The following SV2C variants were observed in gnomAD, a reference collection of about 807,000 sequenced individuals.
The protein encoded by SV2C is solute carrier family 22 member B3.
Under a neutral mutation model 79.7 loss-of-function variants are expected in SV2C, and 49 were observed. The ratio of observed to expected loss-of-function variants is 0.61; its 90% CI spans 0.49 to 0.78. The LOEUF (loss-of-function observed/expected upper bound fraction) is 0.78. Ranked by LOEUF, SV2C falls within the 30% of genes least tolerant of loss-of-function variation. SV2C has a pLI of 0.00. For missense variants in SV2C, 833 were observed against 912.9 expected, an observed-to-expected ratio of 0.91 and a Z score of 1.13; for synonymous variants, 334 against 333.2, an observed-to-expected ratio of 1.00 and a Z score of -0.03.
At chr5:76,305,400 T>G (rs531419735) in intron 12 of SV2C, among the ~76,000 whole-genome samples, 28 of 152,320 alleles carry the variant, frequency 1.8e-4, no homozygotes, top group Non-Finnish European at 2.9e-4. Context: ...AGGAATCATT[T>G]TGTATTCCTC....
intron 4 of SV2C, among the ~76,000 whole-genome samples, chr5:76,239,021 A>G (rs1745700637): frequency 6.6e-6 from 1 of 152,076 alleles, no homozygotes; most frequent in Admixed American, 6.6e-5. Flanking sequence ...TCTCACTCCT[A>G]TCCTCCTAAG....
intron 4 of SV2C, among the ~76,000 whole-genome samples, chr5:76,233,936 T>C (rs1272672709): frequency 2.0e-5 from 3 of 152,170 alleles, no homozygotes; most frequent in Admixed American, 6.6e-5. Context: ...ATGGCTGATT[T>C]TATTTCTTCT....
intron 2 of SV2C, among the ~76,000 whole-genome samples, chr5:76,140,593 A>G (rs1284952797): frequency 6.6e-6 from 1 of 152,136 alleles, no homozygotes; most frequent in Non-Finnish European, 1.5e-5. Context: ...GCATTGAACC[A>G]ATCTTTTTAG....
chr5:76,260,985 CG>C (rs1746444548), intron 4 of SV2C, among the ~76,000 whole-genome samples: 1 of 152,014 alleles, frequency 6.6e-6, no homozygotes, highest in South Asian at 2.1e-4. Flanking sequence ...TGAAGAAAGT[CG>C]ATGGTAGCTT....
At chr5:76,253,439 G>GGC (rs766303041) in intron 4 of SV2C, among the ~76,000 whole-genome samples, 8 of 151,996 alleles carry the variant, frequency 5.3e-5, no homozygotes. Flanking sequence ...GTTTTCAAGT[G>GGC]GCCAGTGACA....
In SV2C at chr5:76,300,932, G is replaced by A. The variant is rs1344681449; in HGVS notation, c.1840G>A (p.Gly614Ser). The change falls in exon 11 of 13, where the codon GGT (glycine) becomes AGT (serine). Residue 614 changes from glycine (G) to serine (S), a missense_variant and splice_region_variant. By Grantham distance (56) the Gly-to-Ser change is moderately conservative (BLOSUM62 0). Transcript: ENST00000502798. Reference protein sequence around the residue: ...MDRIGRLTMLGGSMVLSGISC... With the variant: ...MDRIGRLTMLSGSMVLSGISC... ...CAGAATTGGGCGCTTAACAATGCTA[G>A]GTATGTACTCAGTTTCATGTCAAAT... is the stretch of plus-strand genomic sequence containing the variant. 3 of 1,614,056 alleles carry A rather than the reference G, an allele frequency of 1.9e-6. No homozygotes were observed. In the South Asian group the frequency reaches 3.3e-5, roughly 18 times the overall value.
At chr5:75,875,223 A>AAAAAAAGGC in the SV2C span, among the ~76,000 whole-genome samples, 2 of 151,702 alleles carry the variant, frequency 1.3e-5, no homozygotes, top group Non-Finnish European at 2.9e-5. Flanking sequence ...GTACTGGTAC[A>AAAAAAAGGC]AAAAAAGGCA....
At chr5:75,889,150 A>G in the SV2C span, among the ~76,000 whole-genome samples, 4 of 152,100 alleles carry the variant, frequency 2.6e-5, no homozygotes, top group Non-Finnish European at 5.9e-5. Context: ...GGTTTGTTAC[A>G]TAGGTATACA....
At chr5:76,067,248 CT>C in the SV2C span, among the ~76,000 whole-genome samples, 1 of 150,304 alleles carries the variant, frequency 6.7e-6, no homozygotes, top group African/African-American at 2.5e-5. Flanking sequence ...TTACTGAGGT[CT>C]TTTTTTTTCC....
intron 1 of SV2C, among the ~76,000 whole-genome samples, chr5:76,118,768 G>A (rs1748375419): frequency 6.6e-6 from 1 of 152,150 alleles, no homozygotes; most frequent in African/African-American, 2.4e-5. Context: ...GATCACTTGA[G>A]GACAGGAGTT....
At chr5:76,131,124 G>A (rs895354005) in intron 1 of SV2C, among the ~76,000 whole-genome samples, 4 of 152,126 alleles carry the variant, frequency 2.6e-5, no homozygotes, top group African/African-American at 9.7e-5. Context: ...TGTTAAGTAG[G>A]GGAGAAATTC....
chr5:76,050,400 G>A, the SV2C span, among the ~76,000 whole-genome samples: 10 of 152,266 alleles, frequency 6.6e-5, no homozygotes, highest in Non-Finnish European at 1.3e-4. Context: ...AATCCTTGGT[G>A]TTATCTCTAG....
chr5:75,861,953 T>C, the SV2C span, among the ~76,000 whole-genome samples: 179 of 152,304 alleles, frequency 1.2e-3, 2 homozygotes, highest in South Asian at 5.0e-3. Context: ...TGTACATGTA[T>C]CTTCTGAACC....
At chr5:76,352,613 T>A (rs1006076252) in intron 12 of SV2C, among the ~76,000 whole-genome samples, 3 of 152,228 alleles carry the variant, frequency 2.0e-5, no homozygotes, top group African/African-American at 7.2e-5. Flanking sequence ...CCTCTCAGCC[T>A]TCAGAACTGT....
chr5:75,859,203 A>C, the SV2C span, among the ~76,000 whole-genome samples: 4 of 152,342 alleles, frequency 2.6e-5, no homozygotes, highest in African/African-American at 9.6e-5. Flanking sequence ...GAGCCCATAA[A>C]ACTAAGGATA....
At chr5:75,904,215 A>G in the SV2C span, among the ~76,000 whole-genome samples, 2,524 of 152,254 alleles carry the variant, frequency 0.017, 36 homozygotes, top group African/African-American at 0.043. Context: ...AAAGTCCTGC[A>G]TATAAAAATA....
At chr5:75,952,270 CCTTCCTTCCTTCCTTCCTTT>C in the SV2C span, among the ~76,000 whole-genome samples, 21 of 148,122 alleles carry the variant, frequency 1.4e-4, no homozygotes, top group African/African-American at 2.5e-4. Flanking sequence ...TTCCTTCCTT[CCTTCCTTCCTTCCTTCCTTT>C]CTTCCTTCCT....
chr5:76,279,928 G>A (rs911594557), intron 4 of SV2C, among the ~76,000 whole-genome samples: 2 of 152,166 alleles, frequency 1.3e-5, no homozygotes, highest in Admixed American at 1.3e-4. Flanking sequence ...CATGTGAGCA[G>A]GGTGGCCTTA....
chr5:76,174,248 C>G (rs563580837), intron 2 of SV2C: 103 of 1,537,608 alleles, frequency 6.7e-5, no homozygotes, highest in Non-Finnish European at 8.8e-5. Flanking sequence ...TCTCTGCAGC[C>G]AGCGTCGCCC....
Sources: gnomAD v4.1 joint callset for allele counts (sites outside exome capture counted in the v4.1 genomes callset) on GRCh38, gnomAD v4.1.1 for gene constraint, MANE v1.5 for transcripts, NCBI Gene and HGNC (gene_info 2026-07-23, HGNC 2026-07-21) for gene names.